The following MARCHF1 variants were observed in gnomAD, a reference collection of about 807,000 sequenced individuals.
MARCHF1 encodes membrane associated ring-CH-type finger 1.
Under a neutral mutation model 54.2 loss-of-function variants are expected in MARCHF1, and 40 were observed. The observed-to-expected ratio is 0.74, with a 90% confidence interval of 0.57 to 0.96. MARCHF1 has a LOEUF of 0.96. Ranked by LOEUF, MARCHF1 falls within the 40% of genes least tolerant of loss-of-function variation. MARCHF1 has a pLI of 0.00. For missense variants in MARCHF1, 586 were observed against 656.5 expected, an observed-to-expected ratio of 0.89 and a Z score of 1.17; for synonymous variants, 236 against 236.3, an observed-to-expected ratio of 1.00 and a Z score of 0.01.
chr4:163,910,827 A>G (rs1751173878), intron 3 of MARCHF1, among the ~76,000 whole-genome samples: 1 of 152,170 alleles, frequency 6.6e-6, no homozygotes, highest in Admixed American at 6.6e-5. Flanking sequence ...TTCCTGGTGA[A>G]AAGTCTCTCC....
chr4:163,720,564 A>G (rs999958275), intron 4 of MARCHF1, among the ~76,000 whole-genome samples: 4 of 152,126 alleles, frequency 2.6e-5, no homozygotes, highest in African/African-American at 9.7e-5. Context: ...ATTCTGTGAA[A>G]AAAGTCATTG....
chr4:163,999,713 C>T (rs1404288099), intron 2 of MARCHF1, among the ~76,000 whole-genome samples: 4 of 151,372 alleles, frequency 2.6e-5, no homozygotes, highest in Non-Finnish European at 1.5e-5. Flanking sequence ...ATTGAGCCAA[C>T]TCATATCTGC....
At chr4:163,885,944 A>AAT (rs1188907708) in intron 3 of MARCHF1, among the ~76,000 whole-genome samples, 5 of 147,798 alleles carry the variant, frequency 3.4e-5, no homozygotes, top group Admixed American at 6.8e-5. Flanking sequence ...TATATATATA[A>AAT]ATATATATAT....
chr4:163,734,183 T>C (rs922121760), intron 4 of MARCHF1, among the ~76,000 whole-genome samples: 1 of 152,148 alleles, frequency 6.6e-6, no homozygotes, highest in African/African-American at 2.4e-5. Context: ...ATTACAAGTG[T>C]TGGCAAGATA....
chr4:164,374,150 A>G (rs2110966966), intron 1 of MARCHF1, among the ~76,000 whole-genome samples: 1 of 152,302 alleles, frequency 6.6e-6, no homozygotes, highest in Admixed American at 6.5e-5. Context: ...TTATTTTCGC[A>G]TCATTTTTTC....
At chr4:163,675,895 G>A (rs1743895926) in intron 5 of MARCHF1, among the ~76,000 whole-genome samples, 1 of 152,102 alleles carries the variant, frequency 6.6e-6, no homozygotes, top group African/African-American at 2.4e-5. Flanking sequence ...CTTCCCTAGA[G>A]AAGTCTTGTC....
chr4:163,725,801 T>G (rs1459548427), intron 4 of MARCHF1, among the ~76,000 whole-genome samples: 1 of 152,182 alleles, frequency 6.6e-6, no homozygotes, highest in Non-Finnish European at 1.5e-5. Flanking sequence ...GTTAGGTACC[T>G]GTCCTGAAAG....
chr4:163,702,073 G>T lies in MARCHF1; in HGVS notation c.112-1210C>A, dbSNP rs1289187400. Reference sequence around the variant, plus strand: ...ACTGCAAACTGTCACTGTGTCATGTGCAGGCTTACAGATATTCCAGCTGAA... The same window carrying T: ...ACTGCAAACTGTCACTGTGTCATGTTCAGGCTTACAGATATTCCAGCTGAA... On this transcript the variant is annotated intron_variant, in intron 4 of 9. Transcript: ENST00000514618. Among the ~76,000 whole-genome samples the T allele has an allele frequency of 2.6e-5, 4 of 152,186 alleles. No individual in the cohort carries two copies. In the East Asian group the frequency reaches 5.8e-4, roughly 22 times the overall value.
At chr4:164,152,198 G>A (rs1375039888) in intron 1 of MARCHF1, among the ~76,000 whole-genome samples, 2 of 152,142 alleles carry the variant, frequency 1.3e-5, no homozygotes, top group Non-Finnish European at 2.9e-5. Flanking sequence ...GGTGATACTT[G>A]GTGTAAGTGA....
intron 1 of MARCHF1, among the ~76,000 whole-genome samples, chr4:164,220,763 T>C (rs536685917): frequency 7.2e-6 from 1 of 139,596 alleles, no homozygotes; most frequent in East Asian, 2.0e-4. Context: ...ATGTAATATA[T>C]ATGATATATT....
intron 4 of MARCHF1, among the ~76,000 whole-genome samples, chr4:163,736,476 T>C (rs867978207): frequency 6.7e-6 from 1 of 150,104 alleles, no homozygotes; most frequent in African/African-American, 2.4e-5. Flanking sequence ...AATTTTCCAT[T>C]TAATATTTTT....
At chr4:163,813,178 T>G (rs187454271) in intron 4 of MARCHF1, among the ~76,000 whole-genome samples, 1 of 152,342 alleles carries the variant, frequency 6.6e-6, no homozygotes, top group East Asian at 1.9e-4. Context: ...AGTGGTTTTC[T>G]GAAAGGATAA....
chr4:163,646,211 T>C (rs909570698), intron 5 of MARCHF1, among the ~76,000 whole-genome samples: 2 of 148,164 alleles, frequency 1.3e-5, no homozygotes, highest in Non-Finnish European at 3.0e-5. Context: ...CAGGAGGGAG[T>C]GAGATGTTAT....
intron 8 of MARCHF1, among the ~76,000 whole-genome samples, chr4:163,575,371 A>C (rs1190119583): frequency 6.6e-6 from 1 of 152,148 alleles, no homozygotes; most frequent in Admixed American, 6.5e-5. Context: ...TGATTTGTGT[A>C]TGTTGAACCA....
intron 4 of MARCHF1, among the ~76,000 whole-genome samples, chr4:163,750,443 G>A (rs1368290768): frequency 4.7e-5 from 7 of 148,472 alleles, no homozygotes; most frequent in East Asian, 2.0e-4. Flanking sequence ...CCCAGGAGGC[G>A]GAGGTTGCAG....
At chr4:163,808,114 G>A (rs1299361632) in intron 4 of MARCHF1, among the ~76,000 whole-genome samples, 2 of 152,054 alleles carry the variant, frequency 1.3e-5, no homozygotes, top group Non-Finnish European at 2.9e-5. Flanking sequence ...TTACTTACAC[G>A]CAGATACTAA....
At chr4:164,332,751 C>T (rs371269948) in intron 1 of MARCHF1, among the ~76,000 whole-genome samples, 1 of 151,976 alleles carries the variant, frequency 6.6e-6, no homozygotes. Context: ...AGTCTGAATG[C>T]CAAATCAGCA....
intron 4 of MARCHF1, among the ~76,000 whole-genome samples, chr4:163,786,613 A>G (rs1270921041): frequency 1.3e-5 from 2 of 151,956 alleles, no homozygotes; most frequent in Admixed American, 6.6e-5. Context: ...CTGGAAAATT[A>G]AATGTTAGAC....
intron 1 of MARCHF1, among the ~76,000 whole-genome samples, chr4:164,183,111 A>G (rs1046883827): frequency 2.0e-5 from 3 of 151,988 alleles, no homozygotes; most frequent in African/African-American, 7.2e-5. Context: ...CCATTCTCTA[A>G]TTGTTTGATC....
Sources: gnomAD v4.1 joint callset for allele counts (sites outside exome capture counted in the v4.1 genomes callset) on GRCh38, gnomAD v4.1.1 for gene constraint, MANE v1.5 for transcripts, NCBI Gene and HGNC (gene_info 2026-07-23, HGNC 2026-07-21) for gene names.